The following ADAMTS19 variants were observed in gnomAD, a reference collection of about 807,000 sequenced individuals.
The protein encoded by ADAMTS19 is A disintegrin and metalloproteinase with thrombospondin motifs 19.
In ADAMTS19, 93 loss-of-function variants were observed where a neutral mutation model predicts 153.3. The observed-to-expected ratio is 0.61, with a 90% CI of 0.51 to 0.72. ADAMTS19 has a LOEUF of 0.72. Ranked by LOEUF, ADAMTS19 falls within the 30% of genes least tolerant of loss-of-function variation. The pLI, the probability that ADAMTS19 is intolerant of heterozygous loss-of-function variation, is 0.00. For synonymous variants in ADAMTS19, 600 were observed against 556.6 expected, an observed-to-expected ratio of 1.08 and a Z score of -1.10; for missense variants, 1,482 against 1,552.1, an observed-to-expected ratio of 0.95 and a Z score of 0.76.
chr5:129,526,942 C>T (rs974672239), intron 4 of ADAMTS19, among the ~76,000 whole-genome samples: 1 of 151,560 alleles, frequency 6.6e-6, no homozygotes, highest in African/African-American at 2.4e-5. Context: ...ACAAAAGGAC[C>T]ATAGGTTAAT....
At chr5:129,460,840 C>G (rs924230332) in intron 1 of ADAMTS19, among the ~76,000 whole-genome samples, 1 of 152,144 alleles carries the variant, frequency 6.6e-6, no homozygotes, top group African/African-American at 2.4e-5. Flanking sequence ...CATCGGTTTT[C>G]TTTTCAACAA....
Position 129,647,885 on chromosome 5 carries a change from A to G in ADAMTS19, c.1993A>G (p.Lys665Glu), listed in dbSNP as rs759517594. The change falls in exon 12 of 23, where the codon AAA becomes GAA. Residue 665 changes from lysine to glutamate, a missense_variant. Transcript: ENST00000274487. Reference sequence around the variant, plus strand: ...TGCTGGGATCAGCAGTCGAGAGCGCAAATGTCCTGGGTAAACTCAAAGTTC... The same window carrying G: ...TGCTGGGATCAGCAGTCGAGAGCGCGAATGTCCTGGGTAAACTCAAAGTTC... ...CSAGISSRER[K>E]CPGLDSEARD... 16 of 1,612,736 alleles carry G rather than the reference A, an allele frequency of 9.9e-6. No homozygotes were observed. The highest frequency in any genetic ancestry group is 1.3e-5 in the Non-Finnish European group (15 of 1,179,116).
At chr5:129,718,970 T>C (rs1218764765) in intron 21 of ADAMTS19, among the ~76,000 whole-genome samples, 3 of 152,148 alleles carry the variant, frequency 2.0e-5, no homozygotes, top group African/African-American at 7.2e-5. Context: ...ATACACATTC[T>C]CTCCAAAATA....
chr5:129,675,282 A>C (rs1004362273), intron 16 of ADAMTS19, among the ~76,000 whole-genome samples: 5 of 152,088 alleles, frequency 3.3e-5, no homozygotes, highest in African/African-American at 9.7e-5. Flanking sequence ...AGATTTGTTT[A>C]TGTTTGTAGA....
At chr5:129,708,598 A>G (rs960955328) in intron 21 of ADAMTS19, among the ~76,000 whole-genome samples, 2 of 150,590 alleles carry the variant, frequency 1.3e-5, no homozygotes, top group Non-Finnish European at 3.0e-5. Flanking sequence ...AGCAAAAAAA[A>G]AAAAAAAAAA....
chr5:129,625,222 A>T (rs997495417), intron 10 of ADAMTS19, among the ~76,000 whole-genome samples: 3 of 152,152 alleles, frequency 2.0e-5, no homozygotes, highest in African/African-American at 7.2e-5. Flanking sequence ...ACATTTTCTT[A>T]ATCCAGTCTA....
intron 18 of ADAMTS19, among the ~76,000 whole-genome samples, chr5:129,690,429 C>CTGTTTGACAGCTGT (rs1755281551): frequency 6.6e-6 from 1 of 152,120 alleles, no homozygotes. Context: ...TTAAATTTAA[C>CTGTTTGACAGCTGT]TTGACAGCTA....
At chr5:129,691,792 C>T (rs775333410) in intron 18 of ADAMTS19, among the ~76,000 whole-genome samples, 2 of 152,038 alleles carry the variant, frequency 1.3e-5, no homozygotes, top group Admixed American at 6.6e-5. Context: ...AAAATGATGC[C>T]GATACCTATA....
chr5:129,513,605 T>C (rs57718832), intron 3 of ADAMTS19, among the ~76,000 whole-genome samples: 3,020 of 152,218 alleles, frequency 0.02, 88 homozygotes, highest in African/African-American at 0.068. Flanking sequence ...TATAATCCTT[T>C]GAGGTAGATA....
intron 2 of ADAMTS19, among the ~76,000 whole-genome samples, chr5:129,495,361 A>G (rs1352591270): frequency 6.6e-6 from 1 of 152,142 alleles, no homozygotes; most frequent in Non-Finnish European, 1.5e-5. Flanking sequence ...AAAAGCATTC[A>G]TACGCTACAG....
At chr5:129,542,973 A>G (rs1418416618) in intron 6 of ADAMTS19, among the ~76,000 whole-genome samples, 1 of 151,984 alleles carries the variant, frequency 6.6e-6, no homozygotes, top group Non-Finnish European at 1.5e-5. Context: ...CCAAGTGCTA[A>G]CAGCCATCTT....
chr5:129,617,682 G>A (rs1234039326), intron 8 of ADAMTS19, among the ~76,000 whole-genome samples: 72 of 152,002 alleles, frequency 4.7e-4, no homozygotes, highest in Non-Finnish European at 1.3e-4. Context: ...CTGATGGGCT[G>A]CATTTGAACC....
At chr5:129,682,767 G>T (rs976416580) in intron 17 of ADAMTS19, among the ~76,000 whole-genome samples, 1 of 151,978 alleles carries the variant, frequency 6.6e-6, no homozygotes, top group Non-Finnish European at 1.5e-5. Flanking sequence ...TATGTGTTAC[G>T]CATTTGTGAA....
rs2126900138 is a variant in ADAMTS19, at chr5:129,587,873, T to C, written c.1373-8686T>C. Among the ~76,000 whole-genome samples the C allele has an allele frequency of 1.3e-5, 2 of 152,276 alleles. 1 individual carries two copies. Among genetic ancestry groups the C allele is most frequent in the South Asian group, 4.1e-4 (2 of 4,824 alleles). On this transcript the variant is annotated intron_variant, in intron 7 of 22. Transcript: ENST00000274487. ...GTACTCTTCTGGATCAAGTCCAGCT[T>C]CTCAGTCTCTAGTTCTTGCTAAAAA...
At position 129,679,772 on chromosome 5, in the gene ADAMTS19, G is replaced by A; in HGVS notation, c.2515G>A (p.Asp839Asn). ...TTTGAACCTCTTTATAGCTCTCCGA[G>A]ATGCTGGCAAACAGTCTATTAATAG... ...KPAHSYLALR[D>N]AGKQSINSDW... Residue 839 changes from aspartate (D) to asparagine (N), a missense_variant, in exon 17 of 23, where the codon GAT (aspartate) becomes AAT (asparagine). Physicochemically the swap from Asp to Asn is conservative, Grantham distance 23. Around this residue, in one of 2 missense-constraint regions of ADAMTS19, gnomAD observed 616 missense variants for 724.4 expected, o/e 0.85. Coordinates refer to ENST00000274487, the MANE Select transcript of ADAMTS19 (RefSeq NM_133638.6). 13 of 1,610,214 alleles carry A rather than the reference G, an allele frequency of 8.1e-6. No individual in the cohort carries two copies. Among genetic ancestry groups the A allele is most frequent in the Non-Finnish European group, 1.1e-5 (13 of 1,178,560 alleles).
rs550228843 is a variant in ADAMTS19 at position 129,681,618 on chromosome 5, G to A, written c.2664+1697G>A. On this transcript the variant is annotated intron_variant, in intron 17 of 22. Coordinates refer to ENST00000274487, the MANE Select transcript of ADAMTS19 (RefSeq NM_133638.6). ...GTGTTGTCCAATAAGTTATTTAGCT[G>A]TAAAAACCTAGGTATTAGTCACTCT... Among the ~76,000 whole-genome samples, 115 of 152,206 alleles carry A rather than the reference G, an allele frequency of 7.6e-4. 2 individuals are homozygous for A. Among genetic ancestry groups the A allele is most frequent in the Middle Eastern group, 6.8e-3 (2 of 294 alleles).
At chr5:129,691,883 A>G (rs1011361001) in intron 18 of ADAMTS19, among the ~76,000 whole-genome samples, 1 of 152,168 alleles carries the variant, frequency 6.6e-6, no homozygotes, top group African/African-American at 2.4e-5. Flanking sequence ...GAATATAACT[A>G]AGGTTAAATA....
At chr5:129,691,961 G>A (rs1007263646) in intron 18 of ADAMTS19, among the ~76,000 whole-genome samples, 1 of 152,122 alleles carries the variant, frequency 6.6e-6, no homozygotes, top group African/African-American at 2.4e-5. Flanking sequence ...CTATATATAT[G>A]TTCAGCAAAA....
At chr5:129,601,496 G>T (rs1255959992) in intron 8 of ADAMTS19, among the ~76,000 whole-genome samples, 1 of 152,100 alleles carries the variant, frequency 6.6e-6, no homozygotes, top group Non-Finnish European at 1.5e-5. Context: ...GCTGTGCTTT[G>T]AGGGAAGAGG....
Sources: gnomAD v4.1 joint callset for allele counts (sites outside exome capture counted in the v4.1 genomes callset) on GRCh38, gnomAD v4.1.1 for gene constraint, gnomAD v4.1.1 regional missense constraint, MANE v1.5 for transcripts, NCBI Gene and HGNC (gene_info 2026-07-23, HGNC 2026-07-21) for gene names.